Variants in GPR17 observed in about 807,000 individuals in gnomAD.
The protein encoded by GPR17 is G protein-coupled receptor 17, also known as uracil nucleotide/cysteinyl leukotriene receptor.
A neutral mutation model predicts 1.5 loss-of-function variants in GPR17; 4 were observed. The observed-to-expected ratio is 2.73, with a 90% CI of 1.35 to 6.25. GPR17 has a LOEUF of 6.25. GPR17 is among the 30% of genes most tolerant of loss of function. GPR17 has a pLI of 0.00. For synonymous variants in GPR17, 209 were observed against 207.6 expected, an observed-to-expected ratio of 1.01 and a Z score of -0.06; for missense variants, 463 against 462.1, an observed-to-expected ratio of 1.00 and a Z score of -0.02.
At position 127,650,963 on chromosome 2, in the gene GPR17, C is replaced by T. The variant is rs150093829; in HGVS notation, c.228C>T (p.Ala76=). 44 of 1,613,758 alleles carry T rather than the reference C, an allele frequency of 2.7e-5. No homozygotes were observed. The highest frequency in any genetic ancestry group is 8.9e-5 in the East Asian group (4 of 44,900). Residue 76 remains alanine, a synonymous_variant, in exon 2 of 2, where the codon GCC becomes GCT. Transcript: ENST00000486700. ...TGTTCCTGATGCATCTGGCCGTGGC[C>T]GACTTGTCGTGCGTGCTGGTCCTGC... ...ANVFLMHLAV[A]DLSCVLVLPT...
chr2:127,652,008 C>T lies in GPR17; in HGVS notation c.*253C>T. 1 of 546,710 alleles carries T rather than the reference C, an allele frequency of 1.8e-6. No individual in the cohort carries two copies. Among genetic ancestry groups the T allele is most frequent in the Non-Finnish European group, 3.3e-6 (1 of 300,288 alleles). The allele number at this position is 546,710 out of a possible 1,614,324, so 33.9% of individuals were successfully genotyped here. A position where few individuals can be genotyped will look rare whatever the true frequency, so the allele number is the denominator to read the frequency against. ...AGACACTCAACGACTTCATCTGTGGCAGGGAGAGAGGAGGCCGGAAGAACA... is the reference window on the plus strand; with the variant it reads ...AGACACTCAACGACTTCATCTGTGGTAGGGAGAGAGGAGGCCGGAAGAACA... On this transcript the variant is annotated 3_prime_UTR_variant, in exon 2 of 2. Transcript: ENST00000486700.
At chr2:127,650,280 A>C in intron 1 of GPR17, 2 of 582,508 alleles carry the variant, frequency 3.4e-6, no homozygotes, top group South Asian at 4.1e-5. Flanking sequence ...GCTTGGGCTG[A>C]GGAGGAGCTG....
In GPR17 at chr2:127,651,927, A is replaced by G; in HGVS notation, c.*172A>G. The G allele has an allele frequency of 1.5e-6, 1 of 664,998 alleles. No individual in the cohort carries two copies. Among genetic ancestry groups the G allele is most frequent in the Non-Finnish European group, 2.6e-6 (1 of 383,732 alleles). The allele number at this position is 664,998 out of a possible 1,614,324, so 41.2% of individuals were successfully genotyped here. On this transcript the variant is annotated 3_prime_UTR_variant, in exon 2 of 2. Transcript: ENST00000486700. ...AACCCATAAAAAGGAAGAACTGACA[A>G]AGGGGATCCATCGGCCACCCCTCTG...
In GPR17 at chr2:127,647,412, C is replaced by T. The variant is rs1260715012; in HGVS notation, c.-21+1168C>T. Among the ~76,000 whole-genome samples the T allele has an allele frequency of 2.0e-5, 3 of 152,186 alleles. No homozygotes were observed. Among genetic ancestry groups the T allele is most frequent in the Non-Finnish European group, 4.4e-5 (3 of 68,022 alleles). The stretch of plus-strand genomic sequence containing the variant: ...GTGACCTAAGACAAGTTAGCAGACA[C>T]TCAGCCTTGACTCCCTAACCTGCAA... On this transcript the variant is annotated intron_variant, in intron 1 of 1. Transcript: ENST00000486700. The surrounding 1 kb of genome is among the most constrained non-coding windows in gnomAD (Gnocchi z 4.3).
Position 127,650,870 on chromosome 2 carries a change from T to C in GPR17, c.135T>C (p.Ala45=), listed in dbSNP as rs1191510621. 7 of 1,614,108 alleles carry C rather than the reference T, an allele frequency of 4.3e-6. No homozygotes were observed. The highest frequency in any genetic ancestry group is 5.9e-6 in the Non-Finnish European group (7 of 1,180,016). ...ASFYLLDFIL[A]LVGNTLALWL... ...TCTACCTTCTGGATTTTATCCTGGC[T>C]TTAGTTGGCAATACCCTGGCTCTGT... Residue 45 remains alanine (A), a synonymous_variant, in exon 2 of 2, where the codon GCT becomes GCC. Coordinates refer to ENST00000486700, the MANE Select transcript of GPR17 (RefSeq NM_001161417.2).
rs1558880903 is a variant in GPR17 at position 127,650,756 on chromosome 2, T to A, written c.21T>A (p.Ala7=). The A allele has an allele frequency of 1.9e-6, 3 of 1,612,138 alleles. No homozygotes were observed. The highest frequency in any genetic ancestry group is 2.5e-6 in the Non-Finnish European group (3 of 1,178,970). ...AAAGCATGAATGGCCTTGAAGTGGC[T>A]CCCCCAGGTCTGATCACCAACTTCT... MNGLEV[A]PPGLITNFSL... Residue 7 remains alanine (A), a synonymous_variant, in exon 2 of 2, where the codon GCT becomes GCA. Transcript: ENST00000486700.
chr2:127,650,392 C>T (rs1683608694), intron 1 of GPR17: 1 of 535,780 alleles, frequency 1.9e-6, no homozygotes, highest in Non-Finnish European at 3.3e-6. Flanking sequence ...CCAGGCAAGG[C>T]TCACGTCCCA....
rs1424517438 is a variant in GPR17 at position 127,652,445 on chromosome 2, T to C, written c.*690T>C. On this transcript the variant is annotated 3_prime_UTR_variant, in exon 2 of 2. Transcript: ENST00000486700. ...CAGGCCTCCCAGTCCTGGACAAGCATGTGCAGTCACGGGAGCTCAGCTCAG... is the reference window on the plus strand; with the variant it reads ...CAGGCCTCCCAGTCCTGGACAAGCACGTGCAGTCACGGGAGCTCAGCTCAG... 1.2e-5 allele frequency: 2 copies of C among 167,416 alleles called. No individual in the cohort carries two copies. The highest frequency in any genetic ancestry group is 6.5e-5 in the Admixed American group (1 of 15,336). 10.4% of individuals were successfully genotyped at this position (167,416 alleles called of 1,614,324 possible).
Position 127,647,962 on chromosome 2 carries a change from C to T in GPR17, c.-21+1718C>T, listed in dbSNP as rs925773412. The stretch of plus-strand genomic sequence containing the variant: ...CCTCCCTCCTTTTACCTCTCCTCCA[C>T]AGCCCCCTTCACAGCCCTCAGCCCT... On this transcript the variant is annotated intron_variant, in intron 1 of 1. Transcript: ENST00000486700. This position sits in a 1 kb window ranked among gnomAD's most constrained non-coding sequence, Gnocchi z 4.3. 6 of 945,710 alleles carry T rather than the reference C, an allele frequency of 6.3e-6. No homozygotes were observed. The highest frequency in any genetic ancestry group is 4.9e-5 in the South Asian group (1 of 20,548). The allele number at this position is 945,710 out of a possible 1,614,324, so 58.6% of individuals were successfully genotyped here. A position where few individuals can be genotyped will look rare whatever the true frequency, so the allele number is the denominator to read the frequency against.
Position 127,651,274 on chromosome 2 carries a change from T to C in GPR17, c.539T>C (p.Val180Ala). The change falls in exon 2 of 2, where the codon GTC becomes GCC. Residue 180 changes from valine to alanine, a missense_variant. Physicochemically the swap from Val to Ala is moderately conservative, Grantham distance 64. Coordinates refer to ENST00000486700, the MANE Select transcript of GPR17 (RefSeq NM_001161417.2). ...ACCGTGCAGACCAACCACACGGTGG[T>C]CTGCCTGCAGCTGTACCGGGAGAAG... ...PQTVQTNHTV[V>A]CLQLYREKAS... 6.2e-7 allele frequency: 1 copy of C among 1,606,828 alleles called. No homozygotes were observed.
chr2:127,651,763 G>A lies in GPR17; in HGVS notation c.*8G>A, dbSNP rs35201354. On this transcript the variant is annotated 3_prime_UTR_variant, in exon 2 of 2. Coordinates refer to ENST00000486700, the MANE Select transcript of GPR17 (RefSeq NM_001161417.2). ...GCCAAGTCAGAGCTGTGAGCGGGGG[G>A]CGCCGTCCAGGCCGAGCGCAGACTG... is the stretch of plus-strand genomic sequence containing the variant. 2 of 1,608,872 alleles carry A rather than the reference G, an allele frequency of 1.2e-6. No individual in the cohort carries two copies. Among genetic ancestry groups the A allele is most frequent in the Admixed American group, 1.7e-5 (1 of 59,890 alleles).
At chr2:127,649,372 A>C (rs2243824) in intron 1 of GPR17, among the ~76,000 whole-genome samples, 74,775 of 152,078 alleles carry the variant, frequency 0.49, 18,716 homozygotes, top group South Asian at 0.55. Flanking sequence ...AGCTTCTCTT[A>C]TGCAAACCTC....
chr2:127,650,687 A>T, intron 1 of GPR17, 29 bp from the exon 2 acceptor site: 3 of 1,523,314 alleles, frequency 2.0e-6, no homozygotes, highest in Non-Finnish European at 2.7e-6. Flanking sequence ...TCGCAAGCTC[A>T]TTGTGAACTG....
chr2:127,652,004 G>A lies in GPR17; in HGVS notation c.*249G>A. 1 of 549,954 alleles carries A rather than the reference G, an allele frequency of 1.8e-6. No individual in the cohort carries two copies. Among genetic ancestry groups the A allele is most frequent in the Non-Finnish European group, 3.3e-6 (1 of 302,220 alleles). The allele number at this position is 549,954 out of a possible 1,614,324, so 34.1% of individuals were successfully genotyped here. On this transcript the variant is annotated 3_prime_UTR_variant, in exon 2 of 2. Coordinates refer to ENST00000486700, the MANE Select transcript of GPR17 (RefSeq NM_001161417.2). ...TCCTAGACACTCAACGACTTCATCT[G>A]TGGCAGGGAGAGAGGAGGCCGGAAG...
rs1683121539 is a variant in GPR17, at chr2:127,647,504, C to A, written c.-21+1260C>A. On this transcript the variant is annotated intron_variant, in intron 1 of 1. Coordinates refer to ENST00000486700, the MANE Select transcript of GPR17 (RefSeq NM_001161417.2). This position sits in a 1 kb window ranked among gnomAD's most constrained non-coding sequence, Gnocchi z 4.3. ...CACCATGCCAGGCAGAGTGGTCAGT[C>A]GTACCTATGAGCTGCTCTCTCGTGG... Among the ~76,000 whole-genome samples the A allele has an allele frequency of 6.6e-6, 1 of 152,170 alleles. No individual in the cohort carries two copies. Among genetic ancestry groups the A allele is most frequent in the Non-Finnish European group, 1.5e-5 (1 of 68,028 alleles).
In GPR17 at chr2:127,652,597, T is replaced by C. The variant is rs1467453131; in HGVS notation, c.*842T>C. ...TTTCCCTAACATGTCCTTTTTTGTA[T>C]TTGTTTGTACGGACCATAAATATAA... On this transcript the variant is annotated 3_prime_UTR_variant, in exon 2 of 2. Transcript: ENST00000486700. 1 of 166,058 alleles carries C rather than the reference T, an allele frequency of 6.0e-6. No homozygotes were observed. Among genetic ancestry groups the C allele is most frequent in the Non-Finnish European group, 1.5e-5 (1 of 68,132 alleles). The allele number at this position is 166,058 out of a possible 1,614,324, so 10.3% of individuals were successfully genotyped here.
chr2:127,649,520 AGGCAGGCCAGGTGCGCT>A (rs1281688502), intron 1 of GPR17, among the ~76,000 whole-genome samples: 1 of 152,204 alleles, frequency 6.6e-6, no homozygotes, highest in Admixed American at 6.5e-5. Flanking sequence ...CCCAATTCAA[AGGCAGGCCAGGTGCGCT>A]GTCCTGCCCT....
At position 127,650,971 on chromosome 2, in the gene GPR17, C is replaced by A; in HGVS notation, c.236C>A (p.Ser79Ter). 6.2e-7 allele frequency: 1 copy of A among 1,613,830 alleles called. No individual in the cohort carries two copies. The highest frequency in any genetic ancestry group is 8.5e-7 in the Non-Finnish European group (1 of 1,180,036). ...FLMHLAVADL[S>*]CVLVLPTRLV... is the part of the protein sequence containing the mutation. ...ATGCATCTGGCCGTGGCCGACTTGTCGTGCGTGCTGGTCCTGCCCACCCGC... is the reference window on the plus strand; with the variant it reads ...ATGCATCTGGCCGTGGCCGACTTGTAGTGCGTGCTGGTCCTGCCCACCCGC... Residue 79 changes from serine to a stop codon, truncating the protein, a stop_gained, in exon 2 of 2, where the codon TCG becomes TAG. Transcript: ENST00000486700. LOFTEE classifies it low-confidence loss of function (END_TRUNC).
chr2:127,651,514 T>C lies in GPR17; in HGVS notation c.779T>C (p.Leu260Pro). The C allele has an allele frequency of 1.2e-6, 2 of 1,612,772 alleles. No individual in the cohort carries two copies. Among genetic ancestry groups the C allele is most frequent in the Non-Finnish European group, 1.7e-6 (2 of 1,180,038 alleles). Residue 260 changes from leucine to proline, a missense_variant, in exon 2 of 2, where the codon CTG (leucine) becomes CCG (proline). Transcript: ENST00000486700. ...CACGTCAACCGCTCCGTCTACGTGC[T>C]GCACTACCGCAGCCATGGGGCCTCC... ...PYHVNRSVYV[L>P]HYRSHGASCA...
Sources: allele counts gnomAD v4.1 joint callset (sites outside exome capture counted in the v4.1 genomes callset), GRCh38; gene constraint gnomAD v4.1.1; non-coding constraint Gnocchi (gnomAD v3.1); transcripts MANE v1.5; gene names NCBI Gene and HGNC (gene_info 2026-07-23, HGNC 2026-07-21).